Variants in LIPI observed in about 807,000 individuals in gnomAD.
The protein encoded by LIPI is lipase I.
In LIPI, 59 loss-of-function variants were observed where a neutral mutation model predicts 50.6. The observed-to-expected ratio is 1.16, with a 90% confidence interval of 0.94 to 1.45. The LOEUF (loss-of-function observed/expected upper bound fraction) is 1.45. Ranked by LOEUF, LIPI falls within the 40% of genes most tolerant of loss-of-function variation. The probability of loss-of-function intolerance (pLI) is 0.00; values close to 1 mark genes in which losing one functional copy is unlikely to be tolerated. For missense variants in LIPI, 586 were observed against 536.3 expected (o/e 1.09, Z -0.92); for synonymous variants, 203 against 178.2 (o/e 1.14, Z -1.11).
At chr21:14,120,426 A>G (rs373823616) in intron 9 of LIPI, among the ~76,000 whole-genome samples, 4 of 152,338 alleles carry the variant, frequency 2.6e-5, no homozygotes, top group African/African-American at 9.6e-5. Flanking sequence ...TTACAAAGAA[A>G]GAGAACTGTT....
At chr21:14,125,026 C>A (rs575672694) in intron 9 of LIPI, among the ~76,000 whole-genome samples, 1 of 152,064 alleles carries the variant, frequency 6.6e-6, no homozygotes, top group East Asian at 1.9e-4. Flanking sequence ...GAATTATATA[C>A]CCAGAGAAAT....
chr21:14,144,663 T>C lies in LIPI; in HGVS notation c.1255A>G (p.Ile419Val). The change falls in exon 9 of 10, where the codon ATC becomes GTC. Residue 419 changes from isoleucine to valine, a missense_variant. Transcript: ENST00000681601. ...NLQCSTCTYK[I>V]QSLMLKSLTY... is the part of the protein sequence containing the mutation. ...AGTGATTTTAACATGAGACTCTGGATCTTGTATGTGCATGTGGAACACTGC... is the reference window on the plus strand; with the variant it reads ...AGTGATTTTAACATGAGACTCTGGACCTTGTATGTGCATGTGGAACACTGC... 6.3e-7 allele frequency: 1 copy of C among 1,581,156 alleles called. No homozygotes were observed. Among genetic ancestry groups the C allele is most frequent in the South Asian group, 1.1e-5 (1 of 89,900 alleles).
chr21:14,113,206 C>T lies in LIPI; in HGVS notation c.1296-4126G>A, dbSNP rs1676407932. On this transcript the variant is annotated intron_variant, in intron 9 of 9. Coordinates refer to ENST00000681601, the MANE Select transcript of LIPI (RefSeq NM_001302998.2). ...GCATCTGTGATCTAATTGAGAATTA[C>T]TAAGCATTGTGAAGCTGGAAAATGG... 3.9e-5 allele frequency among the ~76,000 whole-genome samples: 6 copies of T among 152,318 alleles called. No homozygotes were observed. The South Asian group carries it at 1.2e-3, about 32-fold the overall frequency.
chr21:14,161,512 G>T (rs2018463578), intron 7 of LIPI, among the ~76,000 whole-genome samples: 2 of 126,414 alleles, frequency 1.6e-5, no homozygotes, highest in Admixed American at 9.0e-5. Flanking sequence ...ATAATATATA[G>T]ATATATAGAT....
intron 1 of LIPI, among the ~76,000 whole-genome samples, chr21:14,191,121 G>C (rs1003989635): frequency 1.3e-5 from 2 of 152,096 alleles, no homozygotes; most frequent in African/African-American, 2.4e-5. Context: ...GTGCATGCCT[G>C]TAATCCCAGC....
rs200407550 is a variant in LIPI, at chr21:14,181,811, C to A, written c.590G>T (p.Arg197Ile). 3.1e-6 allele frequency: 5 copies of A among 1,612,770 alleles called. No homozygotes were observed. In the Admixed American group the frequency reaches 5.0e-5, roughly 16 times the overall value. Residue 197 changes from arginine (R) to isoleucine (I), a missense_variant, in exon 4 of 10, where the codon AGA (arginine) becomes ATA (isoleucine). Physicochemically the swap from Arg to Ile is moderately conservative, Grantham distance 97. Transcript: ENST00000681601. ...AAACTTTGCATCCGTGTAATCTAAT[C>A]TGCTATATGGTGGTTTTCTGGAGAA... ...PRFSRKPPYS[R>I]LDYTDAKFVD...
In LIPI at chr21:14,178,677, G is replaced by A. The variant is rs540529293; in HGVS notation, c.643+3081C>T. 7.2e-5 allele frequency among the ~76,000 whole-genome samples: 11 copies of A among 152,102 alleles called. No individual in the cohort carries two copies. In the South Asian group the frequency reaches 1.0e-3, roughly 14 times the overall value. ...CTTAATAATAAGCACATTTTTTATA[G>A]CCAGTGTATAATAATTCCAATATCT... On this transcript the variant is annotated intron_variant, in intron 4 of 9. Transcript: ENST00000681601.
intron 1 of LIPI, among the ~76,000 whole-genome samples, chr21:14,203,193 G>A (rs1318536729): frequency 2.0e-5 from 3 of 152,124 alleles, no homozygotes. Context: ...AACAGGTGCT[G>A]GAGAGGATGT....
intron 9 of LIPI, among the ~76,000 whole-genome samples, chr21:14,127,053 C>T (rs1028209176): frequency 6.6e-6 from 1 of 152,154 alleles, no homozygotes; most frequent in Non-Finnish European, 1.5e-5. Flanking sequence ...CTGAAGTCAC[C>T]TCTGTCGTGC....
intron 9 of LIPI, among the ~76,000 whole-genome samples, chr21:14,143,271 T>C (rs2017779741): frequency 6.6e-6 from 1 of 152,200 alleles, no homozygotes; most frequent in South Asian, 2.1e-4. Flanking sequence ...TAGGGAATGA[T>C]ATTGCTAATG....
At chr21:14,206,564 A>G (rs896978326) in intron 1 of LIPI, among the ~76,000 whole-genome samples, 8 of 136,590 alleles carry the variant, frequency 5.9e-5, no homozygotes, top group African/African-American at 1.6e-4. Context: ...CACACATCTT[A>G]GAAAGATTTA....
chr21:14,209,355 C>T (rs894137679), intron 1 of LIPI, among the ~76,000 whole-genome samples: 2 of 152,058 alleles, frequency 1.3e-5, no homozygotes, highest in Admixed American at 6.5e-5. Context: ...ATGAAACATG[C>T]CCTCCTTGAG....
At chr21:14,196,526 A>T (rs1436129669) in intron 1 of LIPI, among the ~76,000 whole-genome samples, 6 of 152,006 alleles carry the variant, frequency 3.9e-5, no homozygotes, top group Non-Finnish European at 7.4e-5. Context: ...TGGTGCACCT[A>T]TTTTTTCAAA....
At chr21:14,183,843 T>G (rs2019359388) in intron 3 of LIPI, among the ~76,000 whole-genome samples, 1 of 152,298 alleles carries the variant, frequency 6.6e-6, no homozygotes, top group East Asian at 1.9e-4. Context: ...CTGGAGAGGA[T>G]GTGGAGAAAT....
chr21:14,136,250 C>T (rs1415205206), intron 9 of LIPI, among the ~76,000 whole-genome samples: 2 of 152,134 alleles, frequency 1.3e-5, no homozygotes, highest in Admixed American at 1.3e-4. Flanking sequence ...GAGGGTAGAG[C>T]ACCAAGTGGG....
chr21:14,179,488 A>G (rs2019197948), intron 4 of LIPI, among the ~76,000 whole-genome samples: 1 of 152,172 alleles, frequency 6.6e-6, no homozygotes, highest in African/African-American at 2.4e-5. Context: ...ACAATCCAAG[A>G]CAGTTCATTA....
chr21:14,130,536 A>G (rs1300079948), intron 9 of LIPI, among the ~76,000 whole-genome samples: 1 of 152,176 alleles, frequency 6.6e-6, no homozygotes, highest in Non-Finnish European at 1.5e-5. Flanking sequence ...CAAGACTTGA[A>G]CAGACTGCAC....
intron 1 of LIPI, among the ~76,000 whole-genome samples, chr21:14,189,938 C>T (rs896096157): frequency 8.6e-5 from 13 of 151,896 alleles, no homozygotes; most frequent in African/African-American, 3.1e-4. Context: ...TAAGTTGATA[C>T]AACATTCCTT....
chr21:14,210,834 G>A lies in LIPI; in HGVS notation c.12C>T (p.Tyr4=). Residue 4 remains tyrosine, a synonymous_variant, in exon 1 of 10, where the codon TAC becomes TAT. Coordinates refer to ENST00000681601, the MANE Select transcript of LIPI (RefSeq NM_001302998.2). ...CCCAGCACATCAAACAAAGAAAAATGTATACTCTCATTTGGAATCTGAGAA... is the reference window on the plus strand; with the variant it reads ...CCCAGCACATCAAACAAAGAAAAATATATACTCTCATTTGGAATCTGAGAA... MRV[Y]IFLCLMCWVR... is the part of the protein sequence containing the mutation. 1 of 1,230,240 alleles carries A rather than the reference G, an allele frequency of 8.1e-7. No homozygotes were observed. The highest frequency in any genetic ancestry group is 1.4e-5 in the South Asian group (1 of 72,732). The allele number at this position is 1,230,240 out of a possible 1,614,324, so 76.2% of individuals were successfully genotyped here.
Sources: allele counts gnomAD v4.1 joint callset (sites outside exome capture counted in the v4.1 genomes callset), GRCh38; gene constraint gnomAD v4.1.1; transcripts MANE v1.5; gene names NCBI Gene and HGNC (gene_info 2026-07-23, HGNC 2026-07-21).